FLCN: variants seen among roughly 807,000 people sequenced by gnomAD.
The protein encoded by FLCN is folliculin.
FLCN carries 22 observed loss-of-function variants against 62.5 expected under a neutral mutation model. The ratio of observed to expected loss-of-function variants is 0.35; its 90% confidence interval spans 0.25 to 0.50. The LOEUF (loss-of-function observed/expected upper bound fraction) is 0.50, where lower values mean the gene tolerates loss of function less well. Among genes scored for constraint, FLCN ranks in the 20% least tolerant of loss-of-function variants. FLCN has a pLI of 0.97. For missense variants in FLCN, 657 were observed against 778.0 expected (o/e 0.84, Z 1.85); for synonymous variants, 319 against 310.0 (o/e 1.03, Z -0.30).
intron 3 of FLCN, among the ~76,000 whole-genome samples, chr17:17,230,302 G>A (rs7221136): frequency 0.027 from 4,038 of 152,078 alleles, 191 homozygotes; most frequent in African/African-American, 0.092. Context: ...AGGCTGAGGC[G>A]GGTGGATCAC....
intron 8 of FLCN, 110 bp from the exon 9 acceptor site, chr17:17,219,319 C>T: frequency 8.4e-7 from 1 of 1,196,504 alleles, no homozygotes; most frequent in East Asian, 2.3e-5. Context: ...CTGGCTGCGG[C>T]CAGGTCCTAT....
At position 17,213,594 on chromosome 17, in the gene FLCN, C is replaced by A; in HGVS notation, c.*61G>T. 6.2e-7 allele frequency: 1 copy of A among 1,605,460 alleles called. No individual in the cohort carries two copies. Among genetic ancestry groups the A allele is most frequent in the South Asian group, 1.1e-5 (1 of 90,802 alleles). On this transcript the variant is annotated 3_prime_UTR_variant, in exon 14 of 14. Coordinates refer to ENST00000285071, the MANE Select transcript of FLCN (RefSeq NM_144997.7). ...GAGAAACTCAAGGGACAGTCCCTCT[C>A]ACGGGGCTGGAGGATCCTGTGGACA...
rs876658621 is a variant in FLCN at position 17,221,564 on chromosome 17, T to A, written c.844A>T (p.Thr282Ser). Residue 282 changes from threonine (T) to serine (S), a missense_variant, in exon 8 of 14, where the codon ACC (threonine) becomes TCC (serine). Physicochemically the swap from Thr to Ser is moderately conservative, Grantham distance 58. Coordinates refer to ENST00000285071, the MANE Select transcript of FLCN (RefSeq NM_144997.7). ...GCGAGCTTCTCCATCTGGACCAAGG[T>A]ATCCTCGGTCGGAGCACCTTCCAGG... ...KLLEGAPTED[T>S]LVQMEKLADL... 8.1e-6 allele frequency: 13 copies of A among 1,612,434 alleles called. No homozygotes were observed. The highest frequency in any genetic ancestry group is 1.1e-5 in the Non-Finnish European group (13 of 1,180,004).
At position 17,226,369 on chromosome 17, in the gene FLCN, GACAA is replaced by G; in HGVS notation, c.250-51_250-48del. ...AAATCTGTTAGTTGGGAAGCAGGGC[GACAA>G]ACTCTCTTAGGTTTATGCAAATCTG... On this transcript the variant is annotated intron_variant, in intron 4 of 13. Coordinates refer to ENST00000285071, the MANE Select transcript of FLCN (RefSeq NM_144997.7). 6.2e-7 allele frequency: 1 copy of G among 1,611,002 alleles called. No homozygotes were observed. Among genetic ancestry groups the G allele is most frequent in the Non-Finnish European group, 8.5e-7 (1 of 1,178,086 alleles).
chr17:17,234,790 A>G (rs1330479949), intron 1 of FLCN, among the ~76,000 whole-genome samples: 1 of 150,620 alleles, frequency 6.6e-6, no homozygotes, highest in African/African-American at 2.4e-5. Flanking sequence ...AGCCTGGCCA[A>G]CATATTGAAA....
rs1026067642 is a variant in FLCN, at chr17:17,222,552, G to A, written c.728C>T (p.Ser243Leu). 5 of 1,614,228 alleles carry A rather than the reference G, an allele frequency of 3.1e-6. No homozygotes were observed. Among genetic ancestry groups the A allele is most frequent in the East Asian group, 2.2e-5 (1 of 44,888 alleles). ...RNGNAARSLT[S>L]LTSDDNLWAC... Reference sequence around the variant, plus strand: ...CCACAGGTTGTCATCACTTGTCAGCGATGTCAGCGAGCGGGCGGCGTTGCC... The same window carrying A: ...CCACAGGTTGTCATCACTTGTCAGCAATGTCAGCGAGCGGGCGGCGTTGCC... Residue 243 changes from serine to leucine, a missense_variant, in exon 7 of 14, where the codon TCG becomes TTG. Coordinates refer to ENST00000285071, the MANE Select transcript of FLCN (RefSeq NM_144997.7).
chr17:17,228,993 G>C (rs1224328560), intron 3 of FLCN: 1 of 152,676 alleles, frequency 6.5e-6, no homozygotes, highest in Non-Finnish European at 1.5e-5. Flanking sequence ...CCAGGGTGGA[G>C]GTGGGGAACA....
intron 5 of FLCN, 35 bp downstream of exon 5, chr17:17,226,141 C>T (rs2047240216): frequency 6.2e-7 from 1 of 1,613,726 alleles, no homozygotes. Flanking sequence ...CATGTGGGCT[C>T]CCACAGAGAC....
At position 17,228,073 on chromosome 17, in the gene FLCN, G is replaced by A. The variant is rs768734584; in HGVS notation, c.65C>T (p.Thr22Met). ...AGGAAGTGGGGCGTGCAGCACCTCC[G>A]TGCAGAAGAGAGTGCGGGGGCCGTG... ...ELHGPRTLFC[T>M]EVLHAPLPQG... is the part of the protein sequence containing the mutation. The change falls in exon 4 of 14, where the codon ACG becomes ATG. Residue 22 changes from threonine to methionine, a missense_variant. Physicochemically the swap from Thr to Met is moderately conservative, Grantham distance 81. Coordinates refer to ENST00000285071, the MANE Select transcript of FLCN (RefSeq NM_144997.7). 43 of 1,613,540 alleles carry A rather than the reference G, an allele frequency of 2.7e-5. No individual in the cohort carries two copies. Among genetic ancestry groups the A allele is most frequent in the Admixed American group, 1.0e-4 (6 of 60,012 alleles).
chr17:17,228,378 G>A, intron 3 of FLCN: 1 of 567,124 alleles, frequency 1.8e-6, no homozygotes, highest in Non-Finnish European at 3.1e-6. Context: ...AAATAGGGGA[G>A]GGGACAATGT....
chr17:17,225,885 G>C (rs2047230901), intron 5 of FLCN: 1 of 505,444 alleles, frequency 2.0e-6, no homozygotes, highest in African/African-American at 1.9e-5. Flanking sequence ...TGACACAAAA[G>C]AAGGAAAAAA....
In FLCN at chr17:17,215,433, GA is replaced by G. The variant is rs534634451; in HGVS notation, c.1301-118del. The G allele has an allele frequency of 1.6e-5, 24 of 1,492,492 alleles. No individual in the cohort carries two copies. The South Asian group carries it at 2.4e-4, about 15-fold the overall frequency. The allele number at this position is 1,492,492 out of a possible 1,614,324, so 92.5% of individuals were successfully genotyped here. A position where few individuals can be genotyped will look rare whatever the true frequency, so the allele number is the denominator to read the frequency against. On this transcript the variant is annotated intron_variant, in intron 11 of 13. Transcript: ENST00000285071. The stretch of plus-strand genomic sequence containing the variant: ...CAGGTCAGTGGGGAAGGCTGCTGGT[GA>G]AAAGACTGGCCCAAATCAATGCTTT...
At chr17:17,217,472 T>C (rs2046961641) in intron 9 of FLCN, 2 of 465,178 alleles carry the variant, frequency 4.3e-6, no homozygotes, top group Admixed American at 3.4e-5. Context: ...TTGTGCAATA[T>C]TCACCTTCTC....
rs775149348 is a variant in FLCN, at chr17:17,213,758, T to C, written c.1637A>G (p.Asn546Ser). 28 of 1,614,110 alleles carry C rather than the reference T, an allele frequency of 1.7e-5. No homozygotes were observed. Among genetic ancestry groups the C allele is most frequent in the Admixed American group, 3.3e-5 (2 of 60,004 alleles). The change falls in exon 14 of 14, where the codon AAT (asparagine) becomes AGT (serine). Residue 546 changes from asparagine (N) to serine (S), a missense_variant. By Grantham distance (46) the Asn-to-Ser change is conservative. Transcript: ENST00000285071. ...CATCCAGAACTTCAGCAGCTTGACA[T>C]TGTCCTCCTCGGACGCACCCAGGAT... is the stretch of plus-strand genomic sequence containing the variant. ...LSILGASEED[N>S]VKLLKFWMTG...
intron 6 of FLCN, 35 bp downstream of exon 6, chr17:17,223,887 C>T (rs576673978): frequency 6.2e-7 from 1 of 1,610,096 alleles, no homozygotes. Context: ...AGTGCAGGGC[C>T]CCCTGCCGCC....
At chr17:17,218,919 T>G in intron 9 of FLCN, 100 bp downstream of exon 9, 2 of 1,365,800 alleles carry the variant, frequency 1.5e-6, no homozygotes, top group Non-Finnish European at 2.0e-6. Flanking sequence ...TCCTGCAGGG[T>G]TTTGAAGGTG....
Position 17,215,285 on chromosome 17 carries a change from G to C in FLCN, c.1332C>G (p.Ala444=), listed in dbSNP as rs141283741. 1 of 1,614,076 alleles carries C rather than the reference G, an allele frequency of 6.2e-7. No homozygotes were observed. The highest frequency in any genetic ancestry group is 8.5e-7 in the Non-Finnish European group (1 of 1,180,032). ...EFAVIVEVHA[A]ARSTLHPVGC... is the part of the protein sequence containing the mutation. ...CCACAGGGTGGAGGGTGGAACGTGC[G>C]GCTGCGTGGACCTCCACGATGACAG... The change falls in exon 12 of 14, where the codon GCC becomes GCG. Residue 444 remains alanine (A), a synonymous_variant. Transcript: ENST00000285071.
rs186226115 is a variant in FLCN at position 17,223,853 on chromosome 17, A to G, written c.618+69T>C. On this transcript the variant is annotated intron_variant, in intron 6 of 13. Coordinates refer to ENST00000285071, the MANE Select transcript of FLCN (RefSeq NM_144997.7). ...GACGCCACGCGGTCTCCAGGCCTCA[A>G]CCTCAGCACAGAGCGGCTCATGCAG... 187 of 1,541,624 alleles carry G rather than the reference A, an allele frequency of 1.2e-4. 1 individual carries two copies. In the Admixed American group the frequency reaches 3.2e-3, roughly 26 times the overall value.
intron 5 of FLCN, chr17:17,224,563 C>T (rs2047195401): frequency 3.1e-6 from 1 of 326,386 alleles, no homozygotes; most frequent in African/African-American, 2.1e-5. Flanking sequence ...GAGATGGAGT[C>T]TCGCTCTTGT....
Sources: allele counts gnomAD v4.1 joint callset (sites outside exome capture counted in the v4.1 genomes callset), GRCh38; gene constraint gnomAD v4.1.1; transcripts MANE v1.5; gene names NCBI Gene and HGNC (gene_info 2026-07-23, HGNC 2026-07-21).